Variants in NOX3 observed in about 807,000 individuals in gnomAD.
NOX3 encodes NADPH oxidase catalytic subunit-like 3.
NOX3 carries 74 observed loss-of-function variants against 76.7 expected under a neutral mutation model. That is an observed-to-expected ratio of 0.96 (90% confidence interval 0.80 to 1.17). The LOEUF (loss-of-function observed/expected upper bound fraction) is 1.17, where lower values mean the gene tolerates loss of function less well. Among genes scored for constraint, NOX3 ranks in the 50% most tolerant of loss-of-function variants. NOX3 has a pLI of 0.00. For synonymous variants in NOX3, 263 were observed against 261.1 expected, an observed-to-expected ratio of 1.01 and a Z score of -0.07; for missense variants, 695 against 703.3, an observed-to-expected ratio of 0.99 and a Z score of 0.13.
intron 4 of NOX3, among the ~76,000 whole-genome samples, chr6:155,444,895 T>C (rs1255724553): frequency 1.3e-5 from 2 of 152,228 alleles, no homozygotes; most frequent in East Asian, 1.9e-4. Flanking sequence ...CACATAAATT[T>C]GCATGTGTTA....
At chr6:155,405,249 C>T (rs1776429800) in intron 12 of NOX3, among the ~76,000 whole-genome samples, 3 of 152,096 alleles carry the variant, frequency 2.0e-5, no homozygotes, top group Admixed American at 6.5e-5. Context: ...CTTTAATGTA[C>T]TCTTACTGGT....
At chr6:155,411,016 CT>C (rs1018288917) in intron 11 of NOX3, among the ~76,000 whole-genome samples, 197 bp downstream of exon 11, 1 of 152,150 alleles carries the variant, frequency 6.6e-6, no homozygotes, top group Non-Finnish European at 1.5e-5. Context: ...ACTGTAGCTT[CT>C]TTTTTTGGTT....
intron 12 of NOX3, among the ~76,000 whole-genome samples, chr6:155,405,584 T>C (rs1333522758): frequency 6.6e-6 from 1 of 152,146 alleles, no homozygotes; most frequent in African/African-American, 2.4e-5. Context: ...AAGCTAAACA[T>C]GTCACAAACT....
At chr6:155,436,605 G>C (rs1776907979) in intron 6 of NOX3, 58 bp from the exon 7 acceptor site, 2 of 1,597,504 alleles carry the variant, frequency 1.3e-6, no homozygotes, top group East Asian at 4.5e-5. Context: ...AACTGATTTT[G>C]AGCAGTCTTG....
Position 155,453,559 on chromosome 6 carries a change from G to A in NOX3, c.256-71C>T. The A allele has an allele frequency of 1.6e-6, 2 of 1,226,108 alleles. 1 individual carries two copies. Among genetic ancestry groups the A allele is most frequent in the South Asian group, 2.4e-5 (2 of 82,982 alleles). 76.0% of individuals were successfully genotyped at this position (1,226,108 alleles called of 1,614,324 possible). On this transcript the variant is annotated intron_variant, in intron 3 of 13. Transcript: ENST00000159060. ...GAAAACAATCTCATGAAAGTTAAGA[G>A]AGTAGGAATCAGGCTCTGCCTCTAA...
At position 155,411,205 on chromosome 6, in the gene NOX3, T is replaced by C; in HGVS notation, c.1455+9A>G. ...GCAATATTGCTTATTCTCAGAGTCT[T>C]ATCAGTACCTGATTTTCATCCCAGC... is the stretch of plus-strand genomic sequence containing the variant. On this transcript the variant is annotated intron_variant, in intron 11 of 13. Coordinates refer to ENST00000159060, the MANE Select transcript of NOX3 (RefSeq NM_015718.3). 2 of 1,612,808 alleles carry C rather than the reference T, an allele frequency of 1.2e-6. No individual in the cohort carries two copies. The highest frequency in any genetic ancestry group is 1.7e-6 in the Non-Finnish European group (2 of 1,179,290).
intron 4 of NOX3, among the ~76,000 whole-genome samples, chr6:155,449,048 C>T (rs747728960): frequency 6.6e-6 from 1 of 152,132 alleles, no homozygotes. Flanking sequence ...CTGAAGCTCC[C>T]AGAGCCTCAG....
At chr6:155,411,723 C>G (rs1026066547) in intron 10 of NOX3, among the ~76,000 whole-genome samples, 1 of 152,172 alleles carries the variant, frequency 6.6e-6, no homozygotes, top group African/African-American at 2.4e-5. Flanking sequence ...GTTAGACCAA[C>G]CCCTTCATCT....
At chr6:155,411,386 G>T (rs370905216) in intron 10 of NOX3, 26 bp from the exon 11 acceptor site, 27 of 1,597,642 alleles carry the variant, frequency 1.7e-5, no homozygotes, top group East Asian at 2.2e-5. Flanking sequence ...GCAAGTGAAC[G>T]GATCTATTCT....
intron 8 of NOX3, among the ~76,000 whole-genome samples, chr6:155,429,539 T>A (rs1776804742): frequency 6.6e-6 from 1 of 152,230 alleles, no homozygotes; most frequent in South Asian, 2.1e-4. Context: ...ATCTTCAAAC[T>A]CACTTCAAAC....
chr6:155,411,974 T>C (rs1295222160), intron 10 of NOX3, among the ~76,000 whole-genome samples: 1 of 152,184 alleles, frequency 6.6e-6, no homozygotes, highest in African/African-American at 2.4e-5. Context: ...GGAAGAATTA[T>C]TTTTTTAACT....
At chr6:155,454,172 G>A (rs1029529091) in intron 3 of NOX3, among the ~76,000 whole-genome samples, 1 of 152,132 alleles carries the variant, frequency 6.6e-6, no homozygotes, top group African/African-American at 2.4e-5. Context: ...GCTCCACACA[G>A]GGTTGCCAGA....
chr6:155,441,474 C>G (rs1776985200), intron 5 of NOX3, among the ~76,000 whole-genome samples: 1 of 152,170 alleles, frequency 6.6e-6, no homozygotes, highest in African/African-American at 2.4e-5. Context: ...ATCGCCATGT[C>G]TCTTTCTTGC....
chr6:155,411,778 A>C (rs1236947049), intron 10 of NOX3, among the ~76,000 whole-genome samples: 1 of 152,156 alleles, frequency 6.6e-6, no homozygotes, highest in Non-Finnish European at 1.5e-5. Flanking sequence ...TTCTCCAGAG[A>C]CCCCAAAGGC....
At chr6:155,398,796 C>A (rs1240442401) in intron 12 of NOX3, among the ~76,000 whole-genome samples, 2 of 152,168 alleles carry the variant, frequency 1.3e-5, no homozygotes, top group Non-Finnish European at 2.9e-5. Flanking sequence ...CTTCACAAAG[C>A]CCCCAGTTTC....
At position 155,436,995 on chromosome 6, in the gene NOX3, G is replaced by A. The variant is rs537627471; in HGVS notation, c.669-448C>T. ...TCTGAATGCTCAGAAGTCTTCAAGT[G>A]AAGGAGTCAAAATACCGGAAGAATG... On this transcript the variant is annotated intron_variant, in intron 6 of 13. Transcript: ENST00000159060. 5.9e-5 allele frequency among the ~76,000 whole-genome samples: 9 copies of A among 152,262 alleles called. No individual in the cohort carries two copies. The South Asian group carries it at 1.9e-3, about 32-fold the overall frequency.
intron 12 of NOX3, 29 bp downstream of exon 12, chr6:155,407,101 G>T: frequency 6.2e-7 from 1 of 1,613,460 alleles, no homozygotes; most frequent in South Asian, 1.1e-5. Context: ...GAAGAGCCTG[G>T]CAGGGAGAGG....
chr6:155,455,059 A>G lies in NOX3; in HGVS notation c.119T>C (p.Phe40Ser), dbSNP rs755846669. 1 of 1,612,922 alleles carries G rather than the reference A, an allele frequency of 6.2e-7. No individual in the cohort carries two copies. Among genetic ancestry groups the G allele is most frequent in the East Asian group, 2.2e-5 (1 of 44,832 alleles). The change falls in exon 2 of 14, where the codon TTC (phenylalanine) becomes TCC (serine). Residue 40 changes from phenylalanine to serine, a missense_variant. Coordinates refer to ENST00000159060, the MANE Select transcript of NOX3 (RefSeq NM_015718.3). ...TFYWYEEEES[F>S]HYTRVILGST... Reference sequence around the variant, plus strand: ...ACCCAAAATAACTCGTGTGTAATGGAAAGACTCCTCCTCTTCATACCAGTA... The same window carrying G: ...ACCCAAAATAACTCGTGTGTAATGGGAAGACTCCTCCTCTTCATACCAGTA...
rs36082679 is a variant in NOX3, at chr6:155,421,576, T to C, written c.1308+1118A>G. Among the ~76,000 whole-genome samples the C allele has an allele frequency of 3.9e-3, 590 of 152,328 alleles. 3 individuals are homozygous for C. Among genetic ancestry groups the C allele is most frequent in the Middle Eastern group, 0.024 (7 of 294 alleles). On this transcript the variant is annotated intron_variant, in intron 10 of 13. Transcript: ENST00000159060. Reference sequence around the variant, plus strand: ...AATGAGGATCTTTTCTGCGGAACTTTTTTTAGAGACAGAGTCTCGCTCTGT... The same window carrying C: ...AATGAGGATCTTTTCTGCGGAACTTCTTTTAGAGACAGAGTCTCGCTCTGT...
Sources: allele counts gnomAD v4.1 joint callset (sites outside exome capture counted in the v4.1 genomes callset), GRCh38; gene constraint gnomAD v4.1.1; transcripts MANE v1.5; gene names NCBI Gene and HGNC (gene_info 2026-07-23, HGNC 2026-07-21).